KIF11: variants seen among roughly 807,000 people sequenced by gnomAD.
KIF11 encodes the protein kinesin family member 11.
Under a neutral mutation model 121.0 loss-of-function variants are expected in KIF11, and 9 were observed. The ratio of observed to expected loss-of-function variants is 0.07; its 90% CI spans 0.04 to 0.13. The LOEUF is 0.13. Ranked by LOEUF, KIF11 falls within the 10% of genes least tolerant of loss-of-function variation. The pLI is 1.00. For missense variants in KIF11, 846 were observed against 1,217.5 expected (o/e 0.69, Z 4.54); for synonymous variants, 408 against 421.0 (o/e 0.97, Z 0.38).
intron 1 of KIF11, among the ~76,000 whole-genome samples, chr10:92,602,825 CGTGTGTGTGTGTGTGT>C (rs3980475): frequency 1.6e-5 from 2 of 122,440 alleles, no homozygotes; most frequent in Admixed American, 8.2e-5. Context: ...CACACACACA[CGTGTGTGTGTGTGTGT>C]GTGTGTGTGT....
intron 16 of KIF11, among the ~76,000 whole-genome samples, chr10:92,638,876 C>G (rs1844836097): frequency 2.0e-5 from 3 of 152,176 alleles, no homozygotes; most frequent in African/African-American, 7.2e-5. Context: ...TACTGGCCAA[C>G]CAGCAGACTG....
In KIF11 at chr10:92,649,354, A is replaced by G. The variant is rs1011173495; in HGVS notation, c.2771-481A>G. 6.6e-5 allele frequency among the ~76,000 whole-genome samples: 10 copies of G among 152,256 alleles called. No homozygotes were observed. In the Middle Eastern group the frequency reaches 0.017, roughly 259 times the overall value. Reference sequence around the variant, plus strand: ...GGTGGCTCACACCTATAATCCCAGCACTTCGGGAGGCAAGGCAGGAGGATC... The same window carrying G: ...GGTGGCTCACACCTATAATCCCAGCGCTTCGGGAGGCAAGGCAGGAGGATC... On this transcript the variant is annotated intron_variant, in intron 19 of 21. Coordinates refer to ENST00000260731, the MANE Select transcript of KIF11 (RefSeq NM_004523.4).
At chr10:92,609,995 C>G (rs1048965447) in intron 6 of KIF11, among the ~76,000 whole-genome samples, 1 of 152,126 alleles carries the variant, frequency 6.6e-6, no homozygotes, top group African/African-American at 2.4e-5. Context: ...CCTTGGCCTC[C>G]CAAAGTGCTG....
chr10:92,644,306 G>A (rs1477408679), intron 17 of KIF11, among the ~76,000 whole-genome samples: 1 of 151,944 alleles, frequency 6.6e-6, no homozygotes, highest in Non-Finnish European at 1.5e-5. Context: ...CCATTAAGTT[G>A]TGAGATTTTG....
intron 13 of KIF11, 78 bp from the exon 14 acceptor site, chr10:92,633,545 A>C: frequency 9.5e-7 from 1 of 1,047,202 alleles, no homozygotes; most frequent in South Asian, 1.4e-5. Flanking sequence ...TACTTTTGTC[A>C]ACTTCTTTGA....
intron 17 of KIF11, among the ~76,000 whole-genome samples, chr10:92,644,154 T>G (rs764503865): frequency 6.6e-6 from 1 of 152,218 alleles, no homozygotes; most frequent in Non-Finnish European, 1.5e-5. Flanking sequence ...ATTTATTGTC[T>G]ACACCAGAGT....
Position 92,613,741 on chromosome 10 carries a change from T to C in KIF11, c.1032+122T>C, listed in dbSNP as rs1844520420. On this transcript the variant is annotated intron_variant, in intron 8 of 21. Transcript: ENST00000260731. The surrounding 1 kb of genome is among the most constrained non-coding windows in gnomAD (Gnocchi z 4.2). ...ACTCACACCTGTAAACCCAGCACTT[T>C]GGAAGTCCAAGGTGGGCGGATCACT... 7.4e-6 allele frequency: 7 copies of C among 950,742 alleles called. No individual in the cohort carries two copies. The Admixed American group carries it at 1.4e-4, about 19-fold the overall frequency. 58.9% of individuals were successfully genotyped at this position (950,742 alleles called of 1,614,324 possible). A position where few individuals can be genotyped will look rare whatever the true frequency, so the allele number is the denominator to read the frequency against.
intron 18 of KIF11, among the ~76,000 whole-genome samples, chr10:92,647,929 T>G (rs1438554889): frequency 6.6e-6 from 1 of 151,944 alleles, no homozygotes; most frequent in Non-Finnish European, 1.5e-5. Context: ...GGCAACATGG[T>G]GAAATGCCAT....
chr10:92,645,858 T>C (rs1408133732), intron 18 of KIF11, among the ~76,000 whole-genome samples: 4 of 152,192 alleles, frequency 2.6e-5, no homozygotes, highest in Non-Finnish European at 5.9e-5. Flanking sequence ...GTACAGTTTC[T>C]TTCCTGTATT....
At position 92,633,762 on chromosome 10, in the gene KIF11, A is replaced by G; in HGVS notation, c.1842A>G (p.Ala614=). 1 of 1,594,600 alleles carries G rather than the reference A, an allele frequency of 6.3e-7. No individual in the cohort carries two copies. Among genetic ancestry groups the G allele is most frequent in the South Asian group, 1.1e-5 (1 of 89,238 alleles). Residue 614 remains alanine (A), a synonymous_variant, in exon 14 of 22, where the codon GCA becomes GCG. Coordinates refer to ENST00000260731, the MANE Select transcript of KIF11 (RefSeq NM_004523.4). The part of the protein sequence containing the change: ...FNMILKEQSL[A]AESKTVLQEL... ...TGATACTAAAAGAACAATCATTAGCAGCAGAAAGTAAAACTGTACTACAGG... is the reference window on the plus strand; with the variant it reads ...TGATACTAAAAGAACAATCATTAGCGGCAGAAAGTAAAACTGTACTACAGG...
intron 19 of KIF11, 128 bp downstream of exon 19, chr10:92,648,562 A>T (rs567452184): frequency 4.5e-5 from 27 of 598,950 alleles, no homozygotes; most frequent in Non-Finnish European, 7.3e-5. Context: ...ACTGTAATCA[A>T]CTCAAAATGG....
chr10:92,630,063 G>A (rs1844720060), intron 11 of KIF11, 113 bp from the exon 12 acceptor site: 4 of 583,354 alleles, frequency 6.9e-6, no homozygotes, highest in Non-Finnish European at 1.2e-5. Flanking sequence ...TTAACCTACC[G>A]GGTAACTTCT....
chr10:92,653,561 A>T, intron 21 of KIF11, 104 bp from the exon 22 acceptor site: 1 of 1,125,572 alleles, frequency 8.9e-7, no homozygotes, highest in Non-Finnish European at 1.2e-6. Flanking sequence ...TTCTACACTT[A>T]AGTTTTTTTG....
chr10:92,630,932 AGTGATGCT>A (rs1341089455), intron 12 of KIF11, among the ~76,000 whole-genome samples: 1 of 151,386 alleles, frequency 6.6e-6, no homozygotes, highest in East Asian at 2.0e-4. Context: ...CATTTAGAAT[AGTGATGCT>A]GTGATGCTTT....
intron 12 of KIF11, among the ~76,000 whole-genome samples, chr10:92,631,139 CA>C (rs1235522601): frequency 1.4e-5 from 2 of 147,020 alleles, no homozygotes; most frequent in African/African-American, 5.0e-5. Flanking sequence ...AAAAAAAATA[CA>C]AAAATTAGCC....
chr10:92,648,804 T>TCTGTGTCCCTCTCATTTTGTC (rs1293993973), intron 19 of KIF11, among the ~76,000 whole-genome samples: 3 of 152,248 alleles, frequency 2.0e-5, no homozygotes, highest in Admixed American at 6.5e-5. Flanking sequence ...TGCATTTTGT[T>TCTGTGTCCCTCTCATTTTGTC]CTGTGTCCCT....
intron 2 of KIF11, 92 bp from the exon 3 acceptor site, chr10:92,606,527 C>A: frequency 8.9e-7 from 1 of 1,125,710 alleles, no homozygotes; most frequent in African/African-American, 1.6e-5. Context: ...TTCTAGTGGG[C>A]TGAATTATGA....
intron 12 of KIF11, among the ~76,000 whole-genome samples, chr10:92,631,820 C>T (rs567954185): frequency 5.9e-5 from 9 of 151,992 alleles, no homozygotes; most frequent in African/African-American, 1.4e-4. Flanking sequence ...GGATTACAAG[C>T]GCCTGCCACC....
chr10:92,613,584 A>G lies in KIF11; in HGVS notation c.997A>G (p.Ile333Val). 6.2e-7 allele frequency: 1 copy of G among 1,613,478 alleles called. No homozygotes were observed. Among genetic ancestry groups the G allele is most frequent in the East Asian group, 2.2e-5 (1 of 44,878 alleles). Residue 333 changes from isoleucine to valine, a missense_variant, in exon 8 of 22, where the codon ATT becomes GTT. Physicochemically the swap from Ile to Val is conservative, Grantham distance 29. Coordinates refer to ENST00000260731, the MANE Select transcript of KIF11 (RefSeq NM_004523.4). The surrounding 1 kb of genome is among the most constrained non-coding windows in gnomAD (Gnocchi z 4.2). ...SLGGRTRTSI[I>V]ATISPASLNL... ...TGGAGGGCGTACAAGAACATCTATAATTGCAACAATTTCTCCTGCATCTCT... is the reference window on the plus strand; with the variant it reads ...TGGAGGGCGTACAAGAACATCTATAGTTGCAACAATTTCTCCTGCATCTCT...
Sources: gnomAD v4.1 joint callset for allele counts (sites outside exome capture counted in the v4.1 genomes callset) on GRCh38, gnomAD v4.1.1 for gene constraint, Gnocchi (gnomAD v3.1) non-coding constraint, MANE v1.5 for transcripts, NCBI Gene and HGNC (gene_info 2026-07-23, HGNC 2026-07-21) for gene names.